The following ERBB4 variants were observed in gnomAD, a reference collection of about 807,000 sequenced individuals.
The protein encoded by ERBB4 is erb-b2 receptor tyrosine kinase 4.
ERBB4 carries 42 observed loss-of-function variants against 158.0 expected under a neutral mutation model. The observed-to-expected ratio is 0.27, with a 90% CI of 0.21 to 0.34. The LOEUF is 0.34. Ranked by LOEUF, ERBB4 falls within the 10% of genes least tolerant of loss-of-function variation. ERBB4 has a pLI of 1.00. For missense variants in ERBB4, 1,333 were observed against 1,624.1 expected (o/e 0.82, Z 3.08); for synonymous variants, 583 against 558.7 (o/e 1.04, Z -0.61).
At position 212,518,727 on chromosome 2, in the gene ERBB4, G is replaced by A. The variant is rs563411861; in HGVS notation, c.82+19722C>T. On this transcript the variant is annotated intron_variant, in intron 1 of 27. Transcript: ENST00000342788. ...CCAAGTTGTTAAATGCACTTGTTTA[G>A]AGTTAAAATACAGGAACGGGAGGGG... 2.0e-5 allele frequency among the ~76,000 whole-genome samples: 3 copies of A among 152,048 alleles called. No individual in the cohort carries two copies. In the East Asian group the frequency reaches 5.8e-4, roughly 29 times the overall value.
intron 3 of ERBB4, among the ~76,000 whole-genome samples, chr2:211,811,577 G>A (rs1044756250): frequency 1.2e-4 from 18 of 152,134 alleles, no homozygotes; most frequent in African/African-American, 4.3e-4. Flanking sequence ...CTAGGTTGGG[G>A]AAGTTCCCCT....
At chr2:211,652,625 A>C (rs1310476637) in intron 16 of ERBB4, among the ~76,000 whole-genome samples, 1 of 152,238 alleles carries the variant, frequency 6.6e-6, no homozygotes, top group Non-Finnish European at 1.5e-5. Flanking sequence ...AATAACCACT[A>C]TACCATAAAG....
intron 2 of ERBB4, among the ~76,000 whole-genome samples, chr2:211,980,564 T>G (rs1195806628): frequency 6.6e-6 from 1 of 152,190 alleles, no homozygotes; most frequent in Non-Finnish European, 1.5e-5. Context: ...CCCTTAGTAT[T>G]TAGTGAAAAG....
At chr2:212,254,063 C>A (rs868263065) in intron 1 of ERBB4, among the ~76,000 whole-genome samples, 8 of 151,890 alleles carry the variant, frequency 5.3e-5, no homozygotes, top group African/African-American at 1.9e-4. Flanking sequence ...GGTGGTCAGT[C>A]ATTGACTGTT....
At chr2:211,972,245 A>T (rs886664566) in intron 2 of ERBB4, among the ~76,000 whole-genome samples, 17 of 152,218 alleles carry the variant, frequency 1.1e-4, no homozygotes, top group Non-Finnish European at 1.0e-4. Context: ...TGCTCAAAGA[A>T]GTCAGAGATG....
chr2:212,402,807 AT>A (rs1036027539), intron 1 of ERBB4, among the ~76,000 whole-genome samples: 4 of 152,098 alleles, frequency 2.6e-5, no homozygotes, highest in Non-Finnish European at 4.4e-5. Flanking sequence ...AAATAAAAAC[AT>A]TTTTATATAG....
intron 3 of ERBB4, among the ~76,000 whole-genome samples, chr2:211,821,342 T>C (rs1310630223): frequency 2.0e-5 from 3 of 151,876 alleles, no homozygotes; most frequent in East Asian, 3.9e-4. Flanking sequence ...CAAGGAAAAC[T>C]ACAAAACACT....
At chr2:212,453,478 T>A (rs943817575) in intron 1 of ERBB4, among the ~76,000 whole-genome samples, 1 of 152,214 alleles carries the variant, frequency 6.6e-6, no homozygotes, top group African/African-American at 2.4e-5. Context: ...ATTGCACTTG[T>A]TAGGTTCAGT....
At chr2:211,424,431 C>A in intron 22 of ERBB4, 130 bp from the exon 23 acceptor site, 1 of 651,432 alleles carries the variant, frequency 1.5e-6, no homozygotes, top group Non-Finnish European at 2.7e-6. Flanking sequence ...AAAAAAAAAG[C>A]TCCATAAATT....
At chr2:211,838,218 T>C (rs562471352) in intron 3 of ERBB4, among the ~76,000 whole-genome samples, 1 of 152,154 alleles carries the variant, frequency 6.6e-6, no homozygotes, top group African/African-American at 2.4e-5. Context: ...TCTGGTTATT[T>C]GAGTAATTTC....
chr2:211,517,952 G>A (rs1038844775), intron 20 of ERBB4, among the ~76,000 whole-genome samples: 11 of 151,922 alleles, frequency 7.2e-5, no homozygotes, highest in African/African-American at 1.7e-4. Flanking sequence ...TGAGATCCTC[G>A]TCACTTTGCC....
intron 3 of ERBB4, among the ~76,000 whole-genome samples, chr2:211,860,205 T>A (rs1368395693): frequency 6.6e-6 from 1 of 152,170 alleles, no homozygotes; most frequent in Non-Finnish European, 1.5e-5. Flanking sequence ...GATTGTATGA[T>A]ACTGGACATA....
At chr2:212,115,693 G>C (rs568430565) in intron 2 of ERBB4, among the ~76,000 whole-genome samples, 1 of 151,972 alleles carries the variant, frequency 6.6e-6, no homozygotes, top group Admixed American at 6.5e-5. Flanking sequence ...TTTTTTTGTA[G>C]AAACAGGGTC....
In ERBB4 at chr2:211,712,030, C is replaced by G. The variant is rs762290243; in HGVS notation, c.1124+20G>C. On this transcript the variant is annotated intron_variant, in intron 9 of 27. Transcript: ENST00000342788. ...TGTCTACACTTTGTAAAATAACTTG[C>G]ACAAAAATTTAATACTGACCCATGA... 1 of 1,604,042 alleles carries G rather than the reference C, an allele frequency of 6.2e-7. No individual in the cohort carries two copies. Among genetic ancestry groups the G allele is most frequent in the Admixed American group, 1.7e-5 (1 of 59,928 alleles).
At chr2:211,506,335 A>T (rs567219417) in intron 20 of ERBB4, among the ~76,000 whole-genome samples, 1 of 152,258 alleles carries the variant, frequency 6.6e-6, no homozygotes, top group East Asian at 1.9e-4. Flanking sequence ...TCCCATTGAT[A>T]ACACTGGACA....
rs543435610 is a variant in ERBB4, at chr2:211,870,959, G to A, written c.421+76471C>T. The stretch of plus-strand genomic sequence containing the variant: ...GCAGAAAATGTGGCACAAGGCCCTG[G>A]CATAAATTTAAATAAGACCTAGAAA... On this transcript the variant is annotated intron_variant, in intron 3 of 27. Coordinates refer to ENST00000342788, the MANE Select transcript of ERBB4 (RefSeq NM_005235.3). Among the ~76,000 whole-genome samples, 8 of 152,244 alleles carry A rather than the reference G, an allele frequency of 5.3e-5. No individual in the cohort carries two copies. In the South Asian group the frequency reaches 1.7e-3, roughly 32 times the overall value.
intron 1 of ERBB4, among the ~76,000 whole-genome samples, chr2:212,350,989 C>G (rs1046477523): frequency 6.6e-6 from 1 of 152,082 alleles, no homozygotes; most frequent in East Asian, 1.9e-4. Context: ...TTATTATCAG[C>G]TAGTGGGTAT....
intron 1 of ERBB4, among the ~76,000 whole-genome samples, chr2:212,469,802 C>A (rs901346887): frequency 6.6e-6 from 1 of 152,040 alleles, no homozygotes; most frequent in Non-Finnish European, 1.5e-5. Context: ...TTTTTTTCCA[C>A]AACAATTTCC....
intron 12 of ERBB4, among the ~76,000 whole-genome samples, chr2:211,687,552 G>A (rs1367665183): frequency 1.4e-5 from 2 of 139,572 alleles, no homozygotes; most frequent in East Asian, 3.9e-4. Context: ...AGCATTGTAT[G>A]TTTGTTTGTT....
Sources: allele counts gnomAD v4.1 joint callset (sites outside exome capture counted in the v4.1 genomes callset), GRCh38; gene constraint gnomAD v4.1.1; transcripts MANE v1.5; gene names NCBI Gene and HGNC (gene_info 2026-07-23, HGNC 2026-07-21).